The following CFH variants were observed in gnomAD, a reference collection of about 807,000 sequenced individuals.
CFH encodes the protein complement factor H.
Under a neutral mutation model 147.3 loss-of-function variants are expected in CFH, and 53 were observed. That is an observed-to-expected ratio of 0.36 (90% CI 0.29 to 0.45). The LOEUF (loss-of-function observed/expected upper bound fraction) is 0.45, where lower values mean the gene tolerates loss of function less well. Among genes scored for constraint, CFH ranks in the 20% least tolerant of loss-of-function variants. The pLI, the probability that CFH is intolerant of heterozygous loss-of-function variation, is 1.00. For missense variants in CFH, 1,380 were observed against 1,498.0 expected, an observed-to-expected ratio of 0.92 and a Z score of 1.30; for synonymous variants, 536 against 489.4, an observed-to-expected ratio of 1.10 and a Z score of -1.26.
chr1:196,703,165 A>G (rs561973342), intron 9 of CFH, among the ~76,000 whole-genome samples: 2 of 152,236 alleles, frequency 1.3e-5, no homozygotes, highest in African/African-American at 4.8e-5. Flanking sequence ...CTGACTTGTT[A>G]TCTGTGGCTC....
chr1:196,692,756 T>TTCTCTTTCCCTTCCTTTC (rs1231415561), intron 9 of CFH, among the ~76,000 whole-genome samples: 7 of 19,704 alleles, frequency 3.6e-4, no homozygotes, highest in African/African-American at 1.3e-3. Flanking sequence ...TTTTCTTTCT[T>TTCTCTTTCCCTTCCTTTC]TCTTTCTTTC....
chr1:196,731,834 A>T (rs922824966), intron 15 of CFH, among the ~76,000 whole-genome samples: 3 of 151,908 alleles, frequency 2.0e-5, no homozygotes, highest in African/African-American at 7.2e-5. Context: ...ATGGCCTGCA[A>T]GGTTTCTGTT....
At chr1:196,716,560 G>A (rs530071414) in intron 11 of CFH, among the ~76,000 whole-genome samples, 129 of 152,152 alleles carry the variant, frequency 8.5e-4, no homozygotes, top group Non-Finnish European at 1.3e-3. Context: ...GGCAAGAGGC[G>A]ACACCATGAG....
intron 15 of CFH, among the ~76,000 whole-genome samples, chr1:196,733,784 G>C (rs942895496): frequency 2.0e-5 from 3 of 152,014 alleles, no homozygotes; most frequent in Non-Finnish European, 4.4e-5. Context: ...TGTATCACTG[G>C]GGTGAGCCAC....
intron 9 of CFH, among the ~76,000 whole-genome samples, chr1:196,702,537 A>G (rs1668485242): frequency 2.9e-5 from 1 of 33,984 alleles, no homozygotes; most frequent in South Asian, 2.4e-3. Context: ...AAAAAAAAAA[A>G]AACATCCAAA....
chr1:196,719,724 A>G (rs143022919), intron 11 of CFH, among the ~76,000 whole-genome samples: 1 of 151,634 alleles, frequency 6.6e-6, no homozygotes, highest in Non-Finnish European at 1.5e-5. Flanking sequence ...AACATGTAAG[A>G]GATAATTTTA....
intron 6 of CFH, among the ~76,000 whole-genome samples, chr1:196,684,318 C>A (rs1338142480): frequency 2.0e-5 from 3 of 151,892 alleles, no homozygotes; most frequent in Non-Finnish European, 4.4e-5. Flanking sequence ...TGGCCCTTTA[C>A]GGAAAAGGTT....
At chr1:196,744,988 T>G (rs1374959656) in intron 20 of CFH, among the ~76,000 whole-genome samples, 1 of 152,178 alleles carries the variant, frequency 6.6e-6, no homozygotes, top group Non-Finnish European at 1.5e-5. Context: ...GACAGTTCTT[T>G]GAACACTTGA....
intron 11 of CFH, among the ~76,000 whole-genome samples, chr1:196,719,966 T>C (rs958503034): frequency 2.6e-5 from 4 of 151,734 alleles, no homozygotes; most frequent in Non-Finnish European, 5.9e-5. Context: ...CTATTTTGGG[T>C]TCTTTTTCCT....
Position 196,690,109 on chromosome 1 carries a change from T to C in CFH, c.1206T>C (p.His402=). 2 of 1,612,432 alleles carry C rather than the reference T, an allele frequency of 1.2e-6. No homozygotes were observed. The highest frequency in any genetic ancestry group is 1.1e-5 in the South Asian group (1 of 91,040). The change falls in exon 9 of 22, where the codon CAT becomes CAC. Residue 402 remains histidine (H), a synonymous_variant. Transcript: ENST00000367429. ...TGGAAAATGGATATAATCAAAATCATGGAAGAAAGTTTGTACAGGGTAAAT... is the reference window on the plus strand; with the variant it reads ...TGGAAAATGGATATAATCAAAATCACGGAAGAAAGTTTGTACAGGGTAAAT... ...PYLENGYNQN[H]GRKFVQGKSI... is the part of the protein sequence containing the mutation.
At chr1:196,681,863 A>T (rs1667669980) in intron 6 of CFH, among the ~76,000 whole-genome samples, 1 of 151,844 alleles carries the variant, frequency 6.6e-6, no homozygotes, top group South Asian at 2.1e-4. Context: ...TTCTTGGTAC[A>T]AAGCAAGGAT....
chr1:196,704,670 C>T (rs1668544242), intron 9 of CFH, among the ~76,000 whole-genome samples: 1 of 152,178 alleles, frequency 6.6e-6, no homozygotes, highest in African/African-American at 2.4e-5. Flanking sequence ...TCTAAAGCAG[C>T]GCCCTTTGAG....
intron 15 of CFH, among the ~76,000 whole-genome samples, chr1:196,731,295 T>G (rs1399203131): frequency 6.6e-6 from 1 of 151,926 alleles, no homozygotes; most frequent in Non-Finnish European, 1.5e-5. Context: ...AAAGGCTATT[T>G]GAAGTTGTAG....
At chr1:196,729,559 C>T (rs364947) in intron 15 of CFH, among the ~76,000 whole-genome samples, 5,043 of 151,868 alleles carry the variant, frequency 0.033, 250 homozygotes, top group African/African-American at 0.11. Context: ...TTTCTTTTTG[C>T]GTTGTGTCCT....
At chr1:196,673,335 G>A in intron 2 of CFH, 172 bp downstream of exon 2, 1 of 658,810 alleles carries the variant, frequency 1.5e-6, no homozygotes, top group Non-Finnish European at 2.5e-6. Flanking sequence ...CACCTAGGCT[G>A]CAGTGCAGTG....
chr1:196,712,693 GC>G (rs1668750948), intron 9 of CFH, among the ~76,000 whole-genome samples: 1 of 150,980 alleles, frequency 6.6e-6, no homozygotes, highest in South Asian at 2.1e-4. Context: ...GTATACATGT[GC>G]CATGCTGGTG....
chr1:196,702,530 A>C, intron 9 of CFH, among the ~76,000 whole-genome samples: 1 of 87,530 alleles, frequency 1.1e-5, no homozygotes, highest in East Asian at 1.6e-3. Context: ...ATTGAAAAAA[A>C]AAAAAAAAAC....
At chr1:196,701,592 G>A in intron 9 of CFH, 1 of 500,576 alleles carries the variant, frequency 2.0e-6, no homozygotes, top group Middle Eastern at 5.6e-4. Flanking sequence ...GTATTGTTCT[G>A]TTGCTGTGCA....
intron 9 of CFH, chr1:196,701,701 C>A: frequency 4.1e-6 from 1 of 246,870 alleles, no homozygotes; most frequent in South Asian, 6.0e-5. Context: ...TGCCCCCTTT[C>A]CACTGGGACA....
Sources: allele counts gnomAD v4.1 joint callset (sites outside exome capture counted in the v4.1 genomes callset), GRCh38; gene constraint gnomAD v4.1.1; transcripts MANE v1.5; gene names NCBI Gene and HGNC (gene_info 2026-07-23, HGNC 2026-07-21).